ING5: variants seen among roughly 807,000 people sequenced by gnomAD.
ING5 encodes the protein inhibitor of growth protein 5.
ING5 carries 17 observed loss-of-function variants against 37.4 expected under a neutral mutation model. The observed-to-expected ratio is 0.45, with a 90% CI of 0.31 to 0.68. ING5 has a LOEUF of 0.68. ING5 is among the 30% of genes least tolerant of loss of function. The pLI is 0.05. For missense variants in ING5, 233 were observed against 311.9 expected (o/e 0.75, Z 1.91); for synonymous variants, 123 against 116.6 (o/e 1.06, Z -0.36).
At chr2:241,687,074 G>A (rs1424901782), upstream of ING5, 1 of 398,186 alleles carries the variant, frequency 2.5e-6, no homozygotes, top group East Asian at 3.7e-5. Context: ...CTCCGGGAGG[G>A]GAGGTGACGC....
chr2:241,699,090 C>G (rs1236929327), upstream of ING5, among the ~76,000 whole-genome samples: 1 of 149,366 alleles, frequency 6.7e-6, no homozygotes, highest in Non-Finnish European at 1.5e-5. Context: ...AATGGCATGA[C>G]CTCAGCTGAC....
rs555878408 is a variant in ING5, at chr2:241,723,647, T to G, written c.680+376T>G. On this transcript the variant is annotated intron_variant, in intron 7 of 7. Transcript: ENST00000313552. ...TTGTCCCCTAGGGAAATTTGGGAAA[T>G]ATAGCATGAGATGTGAGCCCTGAAG... The G allele has an allele frequency of 4.7e-4, 465 of 997,568 alleles. 4 individuals are homozygous for G. In the African/African-American group the frequency reaches 6.7e-3, roughly 14 times the overall value. The allele number at this position is 997,568 out of a possible 1,614,324, so 61.8% of individuals were successfully genotyped here.
chr2:241,698,202 T>C (rs186994358), upstream of ING5, among the ~76,000 whole-genome samples: 8 of 152,172 alleles, frequency 5.3e-5, no homozygotes, highest in Admixed American at 5.2e-4. Context: ...CCCAGCACTT[T>C]GGGAGGCCAA....
chr2:241,695,862 A>T (rs984614297), intron 2 of ING5, among the ~76,000 whole-genome samples: 6 of 152,194 alleles, frequency 3.9e-5, no homozygotes, highest in Non-Finnish European at 8.8e-5. Context: ...CACCACTACA[A>T]TGAAATAGAT....
exon 1 of ING5, chr2:241,687,275 G>T (rs1453589978): frequency 2.5e-6 from 1 of 398,224 alleles, no homozygotes; most frequent in Non-Finnish European, 4.4e-6. Context: ...CGGCGCGCGA[G>T]ACGAACGAGC....
intron 3 of ING5, among the ~76,000 whole-genome samples, chr2:241,710,384 C>G (rs1320037956): frequency 2.6e-5 from 4 of 152,268 alleles, no homozygotes; most frequent in Non-Finnish European, 1.5e-5. Flanking sequence ...TTCAGTGCAA[C>G]CTCCACTTCC....
chr2:241,720,401 G>T (rs1157276723), intron 5 of ING5: 2 of 1,148,222 alleles, frequency 1.7e-6, no homozygotes, highest in African/African-American at 3.2e-5. Flanking sequence ...CTTCAGGCCT[G>T]TTCCCCACGT....
Position 241,725,785 on chromosome 2 carries a change from A to G in ING5, c.*754A>G, listed in dbSNP as rs1691597876. On this transcript the variant is annotated 3_prime_UTR_variant, in exon 8 of 8. Coordinates refer to ENST00000313552, the MANE Select transcript of ING5 (RefSeq NM_032329.6). ...TTTCTCTGGGAATTGGTGATTTTTT[A>G]CTGTGAAGATGAAATTACCCTAATA... is the stretch of plus-strand genomic sequence containing the variant. The G allele has an allele frequency of 6.6e-6, 1 of 152,420 alleles. No individual in the cohort carries two copies. Among genetic ancestry groups the G allele is most frequent in the Non-Finnish European group, 1.5e-5 (1 of 67,990 alleles). 9.4% of individuals were successfully genotyped at this position (152,420 alleles called of 1,614,324 possible).
intron 5 of ING5, chr2:241,721,685 G>C (rs997244967): frequency 1.8e-5 from 18 of 985,344 alleles, no homozygotes; most frequent in Non-Finnish European, 2.0e-5. Flanking sequence ...TCGTGGGTTG[G>C]AGGGTGGGAT....
chr2:241,715,472 A>ATTTTTTT (rs34545938), intron 5 of ING5, among the ~76,000 whole-genome samples: 8 of 70,952 alleles, frequency 1.1e-4, no homozygotes, highest in South Asian at 5.0e-4. Context: ...CTGGAATAGA[A>ATTTTTTT]TTTTTTTTTT....
At chr2:241,702,024 A>ACCGC (rs1225269355), upstream of ING5, 2 of 1,334,636 alleles carry the variant, frequency 1.5e-6, no homozygotes, top group Non-Finnish European at 1.9e-6. Context: ...CTCCCGCGGC[A>ACCGC]CCGCCCGCCC....
upstream of ING5, among the ~76,000 whole-genome samples, chr2:241,698,534 TGTGTGG>T (rs1209584622): frequency 6.7e-5 from 9 of 135,086 alleles, no homozygotes; most frequent in Non-Finnish European, 1.3e-4. Flanking sequence ...TGTGTGTGTG[TGTGTGG>T]AGGAGTATAT....
intron 4 of ING5, among the ~76,000 whole-genome samples, 165 bp from the exon 5 acceptor site, chr2:241,711,813 A>T (rs1214438504): frequency 1.8e-4 from 27 of 152,272 alleles, no homozygotes; most frequent in Admixed American, 1.6e-3. Context: ...AGGTGGGTGG[A>T]TTGCTTGAGC....
chr2:241,689,888 G>A (rs2069523423), exon 2 of ING5: 1 of 151,538 alleles, frequency 6.6e-6, no homozygotes, highest in African/African-American at 2.4e-5. Flanking sequence ...GGATGAAGGG[G>A]ATTGTAGTAA....
intron 1 of ING5, among the ~76,000 whole-genome samples, chr2:241,689,355 C>G (rs1177914377): frequency 6.6e-6 from 1 of 152,166 alleles, no homozygotes; most frequent in Non-Finnish European, 1.5e-5. Context: ...GGTGATCCGC[C>G]CACGTCAGCC....
intron 1 of ING5, among the ~76,000 whole-genome samples, chr2:241,688,830 G>C (rs1366549255): frequency 1.3e-5 from 2 of 151,672 alleles, no homozygotes; most frequent in African/African-American, 4.8e-5. Context: ...ATGGAGTCTT[G>C]CTCTGTTGCC....
intron 2 of ING5, chr2:241,694,102 T>A (rs1459692705): frequency 6.7e-6 from 1 of 148,386 alleles, no homozygotes; most frequent in Non-Finnish European, 1.5e-5. Flanking sequence ...TAATAAAGAT[T>A]TTTTTTTTTT....
At chr2:241,710,083 C>T (rs1207928609) in intron 3 of ING5, among the ~76,000 whole-genome samples, 1 of 150,182 alleles carries the variant, frequency 6.7e-6, no homozygotes, top group East Asian at 1.9e-4. Context: ...GCTGAGATTA[C>T]AGGCATGCAG....
At position 241,723,233 on chromosome 2, in the gene ING5, T is replaced by C. The variant is rs375117294; in HGVS notation, c.642T>C (p.Phe214=). The change falls in exon 7 of 8, where the codon TTT becomes TTC. Residue 214 remains phenylalanine, a synonymous_variant. Transcript: ENST00000313552. ...NPDCPIEWFH[F]ACVDLTTKPK... ...AGTGTCCAATTGAGTGGTTTCACTT[T>C]GCCTGCGTGGACCTTACCACGAAAC... is the stretch of plus-strand genomic sequence containing the variant. 5.6e-6 allele frequency: 9 copies of C among 1,614,268 alleles called. No homozygotes were observed. The highest frequency in any genetic ancestry group is 6.8e-6 in the Non-Finnish European group (8 of 1,180,042).
Sources: gnomAD v4.1 joint callset for allele counts (sites outside exome capture counted in the v4.1 genomes callset) on GRCh38, gnomAD v4.1.1 for gene constraint, MANE v1.5 for transcripts, NCBI Gene and HGNC (gene_info 2026-07-23, HGNC 2026-07-21) for gene names.